FAM161A: variants seen among roughly 807,000 people sequenced by gnomAD.
FAM161A encodes the protein FAM161 centrosomal protein A.
A neutral mutation model predicts 70.9 loss-of-function variants in FAM161A; 57 were observed. The ratio of observed to expected loss-of-function variants is 0.80; its 90% CI spans 0.65 to 1.00. The LOEUF (loss-of-function observed/expected upper bound fraction) is 1.00, where lower values mean the gene tolerates loss of function less well. FAM161A is among the 50% of genes least tolerant of loss of function. The probability of loss-of-function intolerance (pLI) is 0.00; values close to 1 mark genes in which losing one functional copy is unlikely to be tolerated. For synonymous variants in FAM161A, 299 were observed against 295.7 expected, an observed-to-expected ratio of 1.01 and a Z score of -0.12; for missense variants, 880 against 836.0, an observed-to-expected ratio of 1.05 and a Z score of -0.65.
chr2:61,825,784 C>CCCA lies in FAM161A; in HGVS notation c.*668_*670dup, dbSNP rs775933244. 1 of 416,412 alleles carries CCCA rather than the reference C, an allele frequency of 2.4e-6. No individual in the cohort carries two copies. The highest frequency in any genetic ancestry group is 1.8e-5 in the South Asian group (1 of 57,058). 25.8% of individuals were successfully genotyped at this position (416,412 alleles called of 1,614,324 possible). ...TCCCAAGTAGCTGGGACTACAGGCG[C>CCCA]CCACCACCACGCCTGGCTAATTTTT... On this transcript the variant is annotated 3_prime_UTR_variant, in exon 7 of 7. Transcript: ENST00000404929.
chr2:61,851,671 C>T (rs941726137), intron 1 of FAM161A, among the ~76,000 whole-genome samples: 1 of 152,068 alleles, frequency 6.6e-6, no homozygotes, highest in Non-Finnish European at 1.5e-5. Flanking sequence ...AGTCATATAA[C>T]AGGATATGTG....
chr2:61,829,001 G>A (rs771392104), intron 5 of FAM161A, among the ~76,000 whole-genome samples: 8 of 152,112 alleles, frequency 5.3e-5, no homozygotes, highest in Non-Finnish European at 1.2e-4. Context: ...AGACCTCCAA[G>A]TAAAGCAAGC....
intron 5 of FAM161A, among the ~76,000 whole-genome samples, chr2:61,830,950 A>G (rs1672550182): frequency 6.6e-6 from 1 of 151,696 alleles, no homozygotes; most frequent in African/African-American, 2.4e-5. Flanking sequence ...CTTGACTAAA[A>G]ATACAAAAAA....
chr2:61,806,480 AATC>A, the FAM161A span, among the ~76,000 whole-genome samples: 1 of 152,118 alleles, frequency 6.6e-6, no homozygotes, highest in Non-Finnish European at 1.5e-5. Flanking sequence ...AGGGAAAATT[AATC>A]ATGTTTTAAA....
Position 61,839,416 on chromosome 2 carries a change from C to G in FAM161A, c.1583+5G>C. 1 of 1,614,130 alleles carries G rather than the reference C, an allele frequency of 6.2e-7. No individual in the cohort carries two copies. The highest frequency in any genetic ancestry group is 1.6e-4 in the Middle Eastern group (1 of 6,062). ...GTCAGTCAGTACTGCGTCCTACTTA[C>G]TTACCTTACGGCTTGTTCTCGTCCT... is the stretch of plus-strand genomic sequence containing the variant. On this transcript the variant is annotated splice_donor_5th_base_variant and intron_variant, in intron 3 of 6. Transcript: ENST00000404929.
intron 5 of FAM161A, among the ~76,000 whole-genome samples, chr2:61,833,908 C>T (rs1408282122): frequency 1.3e-5 from 2 of 152,110 alleles, no homozygotes; most frequent in African/African-American, 2.4e-5. Flanking sequence ...GGGCCTTTGT[C>T]TCAGCTACTT....
chr2:61,827,181 T>C lies in FAM161A; in HGVS notation c.1929A>G (p.Ser643=), dbSNP rs369633003. The part of the protein sequence containing the change: ...KALGISDEFV[S]KKGQSGKVLE... Reference sequence around the variant, plus strand: ...GTACTTTTCCACTTTGGCCTTTCTTTGAAACAAACTCATCAGATATTCCTA... The same window carrying C: ...GTACTTTTCCACTTTGGCCTTTCTTCGAAACAAACTCATCAGATATTCCTA... Residue 643 remains serine, a synonymous_variant, in exon 6 of 7, where the codon TCA becomes TCG. Transcript: ENST00000404929. 7.3e-5 allele frequency: 118 copies of C among 1,614,010 alleles called. No homozygotes were observed. The African/African-American group carries it at 1.5e-3, about 20-fold the overall frequency.
chr2:61,803,270 G>A, the FAM161A span: 3 of 626,190 alleles, frequency 4.8e-6, no homozygotes, highest in African/African-American at 1.8e-5. Context: ...ACTCATGCTG[G>A]TGGTGGCTTT....
intron 1 of FAM161A, chr2:61,847,016 G>A (rs951239724): frequency 2.8e-5 from 12 of 422,702 alleles, no homozygotes; most frequent in Non-Finnish European, 5.7e-5. Context: ...ACAAAACTTA[G>A]TCGGGTGTGG....
Position 61,853,858 on chromosome 2 carries a change from C to A in FAM161A, c.183+1G>T, listed in dbSNP as rs1333925904. On this transcript the variant is annotated splice_donor_variant, in intron 1 of 6. Coordinates refer to ENST00000404929, the MANE Select transcript of FAM161A (RefSeq NM_001201543.2). LOFTEE classifies it high-confidence loss of function. ...CAGCCCAAGTCCCGCCCCAGTATTA[C>A]CGATGCCCCAGCGGGCTGAGCCACT... The A allele has an allele frequency of 6.2e-7, 1 of 1,613,870 alleles. No homozygotes were observed. The highest frequency in any genetic ancestry group is 8.5e-7 in the Non-Finnish European group (1 of 1,179,786).
chr2:61,832,715 T>A (rs1044670041), intron 5 of FAM161A, among the ~76,000 whole-genome samples: 1 of 152,174 alleles, frequency 6.6e-6, no homozygotes, highest in Non-Finnish European at 1.5e-5. Flanking sequence ...TATCGTGAAG[T>A]GCTCATGCCA....
chr2:61,847,120 C>A, intron 1 of FAM161A: 1 of 313,968 alleles, frequency 3.2e-6, no homozygotes, highest in Admixed American at 4.4e-5. Context: ...CAAGATCGCA[C>A]CACTGCACTC....
At chr2:61,819,342 T>C in the FAM161A span, among the ~76,000 whole-genome samples, 1 of 152,090 alleles carries the variant, frequency 6.6e-6, no homozygotes, top group African/African-American at 2.4e-5. Flanking sequence ...CGCATGCCTG[T>C]AGTCCCAGCT....
chr2:61,836,918 T>A (rs1672796944), intron 4 of FAM161A: 1 of 186,540 alleles, frequency 5.4e-6, no homozygotes, highest in East Asian at 1.6e-4. Flanking sequence ...CAGGCTGGAG[T>A]GCAGTGGTGC....
intron 5 of FAM161A, among the ~76,000 whole-genome samples, chr2:61,832,478 G>C (rs954370743): frequency 6.6e-6 from 1 of 152,168 alleles, no homozygotes; most frequent in Non-Finnish European, 1.5e-5. Context: ...AAGAAATGTA[G>C]ATAAATCCAG....
downstream of FAM161A, among the ~76,000 whole-genome samples, chr2:61,824,088 GCCAT>G (rs1304368364): frequency 6.7e-6 from 1 of 150,078 alleles, no homozygotes; most frequent in Non-Finnish European, 1.5e-5. Context: ...GTGCAGTGGT[GCCAT>G]CTCGGCTCAC....
At chr2:61,846,686 T>G (rs1673227074) in intron 1 of FAM161A, 2 of 263,104 alleles carry the variant, frequency 7.6e-6, no homozygotes. Flanking sequence ...GCTTTGCCAG[T>G]GCTCCTCATC....
At chr2:61,818,187 C>A in the FAM161A span, among the ~76,000 whole-genome samples, 8 of 151,688 alleles carry the variant, frequency 5.3e-5, no homozygotes, top group Admixed American at 4.6e-4. Flanking sequence ...TCCTGAGTAG[C>A]TGGGATTACA....
At chr2:61,806,894 G>A in the FAM161A span, among the ~76,000 whole-genome samples, 1 of 151,548 alleles carries the variant, frequency 6.6e-6, no homozygotes, top group Admixed American at 6.6e-5. Flanking sequence ...GGGTTTCACC[G>A]TGTTAGTCAT....
Sources: allele counts gnomAD v4.1 joint callset (sites outside exome capture counted in the v4.1 genomes callset), GRCh38; gene constraint gnomAD v4.1.1; transcripts MANE v1.5; gene names NCBI Gene and HGNC (gene_info 2026-07-23, HGNC 2026-07-21).